The following PPARGC1A variants were observed in gnomAD, a reference collection of about 807,000 sequenced individuals.
PPARGC1A encodes peroxisome proliferator-activated receptor gamma coactivator 1-alpha.
In PPARGC1A, 25 loss-of-function variants were observed where a neutral mutation model predicts 88.7. The ratio of observed to expected loss-of-function variants is 0.28; its 90% CI spans 0.21 to 0.39. The LOEUF (loss-of-function observed/expected upper bound fraction) is 0.39, where lower values mean the gene tolerates loss of function less well. Ranked by LOEUF, PPARGC1A falls within the 10% of genes least tolerant of loss-of-function variation. PPARGC1A has a pLI of 1.00. For missense variants in PPARGC1A, 880 were observed against 968.7 expected, an observed-to-expected ratio of 0.91 and a Z score of 1.22; for synonymous variants, 363 against 355.6, an observed-to-expected ratio of 1.02 and a Z score of -0.24.
chr4:24,189,429 G>A, the PPARGC1A span, among the ~76,000 whole-genome samples: 1 of 152,166 alleles, frequency 6.6e-6, no homozygotes, highest in East Asian at 1.9e-4. Context: ...AAACCCATCA[G>A]GAAGTTCCAC....
the PPARGC1A span, among the ~76,000 whole-genome samples, chr4:24,238,336 G>T: frequency 2.2e-4 from 34 of 152,300 alleles, no homozygotes; most frequent in Admixed American, 5.2e-4. Context: ...AGGCTTTGGT[G>T]GGTTGACTCC....
the PPARGC1A span, among the ~76,000 whole-genome samples, chr4:24,223,364 C>T: frequency 3.3e-5 from 5 of 151,870 alleles, no homozygotes; most frequent in African/African-American, 1.2e-4. Flanking sequence ...ATTCTCCTGC[C>T]TCAGTCTCCC....
the PPARGC1A span, among the ~76,000 whole-genome samples, chr4:24,318,685 G>A: frequency 5.9e-5 from 9 of 152,200 alleles, no homozygotes; most frequent in Non-Finnish European, 1.3e-4. Context: ...TCAGCCTTAT[G>A]TCCTTTCTTT....
the PPARGC1A span, among the ~76,000 whole-genome samples, chr4:24,246,449 C>G: frequency 6.6e-6 from 1 of 152,028 alleles, no homozygotes; most frequent in African/African-American, 2.4e-5. Context: ...CATGGTGAAA[C>G]CCCCTCTCTA....
At chr4:24,170,534 T>C in the PPARGC1A span, among the ~76,000 whole-genome samples, 2 of 152,178 alleles carry the variant, frequency 1.3e-5, no homozygotes, top group Non-Finnish European at 1.5e-5. Flanking sequence ...GTTGGTGAAA[T>C]GAAAGGTTGT....
the PPARGC1A span, among the ~76,000 whole-genome samples, chr4:24,368,854 G>A: frequency 6.6e-5 from 10 of 152,148 alleles, no homozygotes; most frequent in African/African-American, 2.2e-4. Flanking sequence ...GTGAACGGGA[G>A]GGAGATGGCA....
chr4:23,910,313 A>T, the PPARGC1A span, among the ~76,000 whole-genome samples: 100 of 44,004 alleles, frequency 2.3e-3, 2 homozygotes, highest in Middle Eastern at 0.015. Flanking sequence ...CCTATATATA[A>T]TATTATATAT....
the PPARGC1A span, among the ~76,000 whole-genome samples, chr4:24,391,243 T>C: frequency 0.013 from 2,031 of 152,298 alleles, 49 homozygotes; most frequent in African/African-American, 0.047. Flanking sequence ...TATTTCTTGC[T>C]CTCAAGCCAC....
the PPARGC1A span, among the ~76,000 whole-genome samples, chr4:24,258,444 G>A: frequency 2.6e-5 from 4 of 152,112 alleles, no homozygotes; most frequent in African/African-American, 9.7e-5. Flanking sequence ...TTCCCAAGGG[G>A]ACTGATATTT....
chr4:24,062,663 T>C, the PPARGC1A span, among the ~76,000 whole-genome samples: 1 of 152,200 alleles, frequency 6.6e-6, no homozygotes, highest in African/African-American at 2.4e-5. Flanking sequence ...CGTCAGAGCT[T>C]TACAAGTGGC....
At chr4:23,892,752 T>G (rs1256850408), upstream of PPARGC1A, among the ~76,000 whole-genome samples, 3 of 152,174 alleles carry the variant, frequency 2.0e-5, no homozygotes, top group Non-Finnish European at 4.4e-5. Flanking sequence ...AACAAGGATC[T>G]ATTGAAACCT....
chr4:24,470,731 C>G, the PPARGC1A span, among the ~76,000 whole-genome samples: 1 of 151,368 alleles, frequency 6.6e-6, no homozygotes, highest in Non-Finnish European at 1.5e-5. This position sits in a 1 kb window ranked among gnomAD's most constrained non-coding sequence, Gnocchi z 5.8. Flanking sequence ...CGGCGGCGGC[C>G]CGACGGTCTG....
At chr4:24,331,636 G>A in the PPARGC1A span, among the ~76,000 whole-genome samples, 4 of 152,076 alleles carry the variant, frequency 2.6e-5, no homozygotes, top group Non-Finnish European at 4.4e-5. Context: ...CTGCCACCAT[G>A]GAGCAGTTGT....
At chr4:24,426,638 A>G in the PPARGC1A span, among the ~76,000 whole-genome samples, 1 of 152,246 alleles carries the variant, frequency 6.6e-6, no homozygotes, top group African/African-American at 2.4e-5. Context: ...AAAACCATGC[A>G]TTATGGCTTA....
chr4:24,428,126 A>G, the PPARGC1A span, among the ~76,000 whole-genome samples: 1 of 146,846 alleles, frequency 6.8e-6, no homozygotes, highest in Non-Finnish European at 1.5e-5. Flanking sequence ...CCTGTCTCCA[A>G]AAAAAAAAAA....
At chr4:24,072,013 A>T in the PPARGC1A span, among the ~76,000 whole-genome samples, 3 of 151,746 alleles carry the variant, frequency 2.0e-5, no homozygotes, top group East Asian at 5.8e-4. Flanking sequence ...AAATAGGAAG[A>T]AGTAATGATA....
chr4:24,091,928 T>C, the PPARGC1A span, among the ~76,000 whole-genome samples: 1 of 147,750 alleles, frequency 6.8e-6, no homozygotes, highest in Admixed American at 6.8e-5. Flanking sequence ...CTTGCCCCAA[T>C]ACACACACAC....
chr4:24,312,522 TC>T, the PPARGC1A span, among the ~76,000 whole-genome samples: 1 of 151,978 alleles, frequency 6.6e-6, no homozygotes, highest in Non-Finnish European at 1.5e-5. Context: ...TCTTTAATTT[TC>T]TTATTTATCA....
chr4:24,042,431 A>C, the PPARGC1A span, among the ~76,000 whole-genome samples: 3 of 152,210 alleles, frequency 2.0e-5, no homozygotes, highest in African/African-American at 7.2e-5. Context: ...GAAGTCCAAC[A>C]CTCCAGTGAG....
Sources: allele counts gnomAD v4.1 joint callset (sites outside exome capture counted in the v4.1 genomes callset), GRCh38; gene constraint gnomAD v4.1.1; non-coding constraint Gnocchi (gnomAD v3.1); transcripts MANE v1.5; gene names NCBI Gene and HGNC (gene_info 2026-07-23, HGNC 2026-07-21).